Variants in JAKMIP1 observed in about 807,000 individuals in gnomAD.
JAKMIP1 encodes the protein janus kinase and microtubule-interacting protein 1.
JAKMIP1 carries 33 observed loss-of-function variants against 113.0 expected under a neutral mutation model. That is an observed-to-expected ratio of 0.29 (90% CI 0.22 to 0.39). The LOEUF (loss-of-function observed/expected upper bound fraction) is 0.39. Among genes scored for constraint, JAKMIP1 ranks in the 10% least tolerant of loss-of-function variants. The pLI is 1.00. For synonymous variants in JAKMIP1, 480 were observed against 459.9 expected (o/e 1.04, Z -0.56); for missense variants, 813 against 1,080.5 (o/e 0.75, Z 3.47).
intron 3 of JAKMIP1, among the ~76,000 whole-genome samples, chr4:6,092,588 C>A (rs946508766): frequency 2.0e-5 from 3 of 152,144 alleles, no homozygotes; most frequent in African/African-American, 7.2e-5. Flanking sequence ...AGCAAAATAC[C>A]CTTCGTCGTT....
chr4:6,037,843 G>C (rs377152343), intron 18 of JAKMIP1, among the ~76,000 whole-genome samples: 1,611 of 138,276 alleles, frequency 0.012, no homozygotes, highest in African/African-American at 0.044. Context: ...CCGAGGCAGA[G>C]GCTAACCAGT....
Position 6,187,456 on chromosome 4 carries a change from T to A in JAKMIP1, c.-148+12797A>T, listed in dbSNP as rs1427054026. Among the ~76,000 whole-genome samples, 3 of 152,262 alleles carry A rather than the reference T, an allele frequency of 2.0e-5. No homozygotes were observed. Among genetic ancestry groups the A allele is most frequent in the African/African-American group, 7.2e-5 (3 of 41,476 alleles). On this transcript the variant is annotated intron_variant, in intron 1 of 20. Coordinates refer to ENST00000409021, the MANE Select transcript of JAKMIP1 (RefSeq NM_001099433.2). This position sits in a 1 kb window ranked among gnomAD's most constrained non-coding sequence, Gnocchi z 4.2. ...ACCCCCAGAATTCATATGTTTCTAG[T>A]CACCAGTATGATAGCATTAGAAGGT... is the stretch of plus-strand genomic sequence containing the variant.
intron 2 of JAKMIP1, 57 bp downstream of exon 2, chr4:6,112,665 C>T: frequency 6.3e-7 from 1 of 1,586,386 alleles, no homozygotes; most frequent in Non-Finnish European, 8.6e-7. Context: ...TCAGAGGCAA[C>T]ACTGCCCAAA....
At chr4:6,132,551 A>G (rs1392013267) in intron 1 of JAKMIP1, among the ~76,000 whole-genome samples, 1 of 151,652 alleles carries the variant, frequency 6.6e-6, no homozygotes, top group East Asian at 1.9e-4. Flanking sequence ...CTGAGGCAGG[A>G]GGATCGCTTG....
chr4:6,170,355 C>CCAT (rs1352662615), intron 1 of JAKMIP1, among the ~76,000 whole-genome samples: 1 of 51,744 alleles, frequency 1.9e-5, no homozygotes, highest in Admixed American at 2.4e-4. Flanking sequence ...CTCACCACCA[C>CCAT]CACCACCACC....
intron 1 of JAKMIP1, among the ~76,000 whole-genome samples, chr4:6,165,703 A>T (rs1400346386): frequency 1.3e-5 from 2 of 152,242 alleles, no homozygotes; most frequent in Non-Finnish European, 2.9e-5. Flanking sequence ...TTTTACAGGC[A>T]CTGGGAAATC....
chr4:6,048,763 C>T (rs1478711450), intron 16 of JAKMIP1, 94 bp downstream of exon 16: 14 of 1,037,194 alleles, frequency 1.3e-5, no homozygotes, highest in Non-Finnish European at 1.8e-5. Context: ...GGAACGCATG[C>T]TCCCACGCAA....
chr4:6,133,401 G>A (rs1166571202), intron 1 of JAKMIP1, among the ~76,000 whole-genome samples: 1 of 152,178 alleles, frequency 6.6e-6, no homozygotes, highest in Non-Finnish European at 1.5e-5. Context: ...TACTTTCAGA[G>A]GGAGGGAAGG....
rs1485580450 is a variant in JAKMIP1, at chr4:6,135,334, T to C, written c.-147-22337A>G. 2.6e-5 allele frequency among the ~76,000 whole-genome samples: 4 copies of C among 152,042 alleles called. No homozygotes were observed. Among genetic ancestry groups the C allele is most frequent in the African/African-American group, 9.7e-5 (4 of 41,380 alleles). The stretch of plus-strand genomic sequence containing the variant: ...ACACAGACACATAGAAGGAAGACCA[T>C]GTGAGGACATGGGGAGAAGACGGCC... On this transcript the variant is annotated intron_variant, in intron 1 of 20. Coordinates refer to ENST00000409021, the MANE Select transcript of JAKMIP1 (RefSeq NM_001099433.2). This position sits in a 1 kb window ranked among gnomAD's most constrained non-coding sequence, Gnocchi z 4.9.
Position 6,137,605 on chromosome 4 carries a change from C to T in JAKMIP1, c.-147-24608G>A, listed in dbSNP as rs976207065. Among the ~76,000 whole-genome samples the T allele has an allele frequency of 4.6e-5, 7 of 152,340 alleles. No homozygotes were observed. The South Asian group carries it at 8.3e-4, about 18-fold the overall frequency. On this transcript the variant is annotated intron_variant, in intron 1 of 20. Coordinates refer to ENST00000409021, the MANE Select transcript of JAKMIP1 (RefSeq NM_001099433.2). The surrounding 1 kb of genome is among the most constrained non-coding windows in gnomAD (Gnocchi z 4.5). ...TTTTTCAGCCAATCCACACTCTCTC[C>T]GCACCTGGAGGCAATGACCCCCACA...
rs915194302 is a variant in JAKMIP1, at chr4:6,150,561, G to A, written c.-147-37564C>T. ...ACACCCGCTTCTTAATCCCTGCCTC[G>A]GAGGCAGCTCCCACGGCGCTCAACG... is the stretch of plus-strand genomic sequence containing the variant. On this transcript the variant is annotated intron_variant, in intron 1 of 20. Coordinates refer to ENST00000409021, the MANE Select transcript of JAKMIP1 (RefSeq NM_001099433.2). This position sits in a 1 kb window ranked among gnomAD's most constrained non-coding sequence, Gnocchi z 4.8. 8.5e-5 allele frequency: 13 copies of A among 152,130 alleles called. No homozygotes were observed. Among genetic ancestry groups the A allele is most frequent in the African/African-American group, 2.4e-4 (10 of 41,386 alleles). The allele number at this position is 152,130 out of a possible 1,614,324, so 9.4% of individuals were successfully genotyped here. A position where few individuals can be genotyped will look rare whatever the true frequency, so the allele number is the denominator to read the frequency against.
chr4:6,154,925 G>A lies in JAKMIP1; in HGVS notation c.-147-41928C>T, dbSNP rs1037029749. 6.6e-5 allele frequency among the ~76,000 whole-genome samples: 10 copies of A among 151,956 alleles called. No homozygotes were observed. The highest frequency in any genetic ancestry group is 1.5e-4 in the Non-Finnish European group (10 of 68,002). ...CCCTCTCACTCCACAAACCAACACA[G>A]AGCACGCAGGGAAAGGTGCGGGGTA... On this transcript the variant is annotated intron_variant, in intron 1 of 20. Coordinates refer to ENST00000409021, the MANE Select transcript of JAKMIP1 (RefSeq NM_001099433.2). The surrounding 1 kb of genome is among the most constrained non-coding windows in gnomAD (Gnocchi z 4.2).
chr4:6,076,201 A>G lies in JAKMIP1; in HGVS notation c.1302+2738T>C, dbSNP rs1375933374. Among the ~76,000 whole-genome samples the G allele has an allele frequency of 6.6e-6, 1 of 152,150 alleles. No individual in the cohort carries two copies. The highest frequency in any genetic ancestry group is 2.4e-5 in the African/African-American group (1 of 41,412). On this transcript the variant is annotated intron_variant, in intron 8 of 20. Transcript: ENST00000409021. The surrounding 1 kb of genome is among the most constrained non-coding windows in gnomAD (Gnocchi z 4.8). ...CAAAAAAAATTAGTAAATAAATAAAAAATAAAATAAACAAACAAACAAATA... is the reference window on the plus strand; with the variant it reads ...CAAAAAAAATTAGTAAATAAATAAAGAATAAAATAAACAAACAAACAAATA...
intron 8 of JAKMIP1, among the ~76,000 whole-genome samples, chr4:6,072,588 A>C (rs1339418756): frequency 6.6e-6 from 1 of 152,200 alleles, no homozygotes; most frequent in Non-Finnish European, 1.5e-5. Flanking sequence ...ACAGACATGA[A>C]GTAGCCACTG....
chr4:6,183,426 C>A lies in JAKMIP1; in HGVS notation c.-148+16827G>T, dbSNP rs903429620. Among the ~76,000 whole-genome samples, 1 of 150,354 alleles carries A rather than the reference C, an allele frequency of 6.7e-6. No homozygotes were observed. The highest frequency in any genetic ancestry group is 2.4e-5 in the African/African-American group (1 of 40,858). ...CCTGGGAGGCAGAGGTTACAGTGAG[C>A]CAAGATCATGCCATTGCACTCCAGC... On this transcript the variant is annotated intron_variant, in intron 1 of 20. Coordinates refer to ENST00000409021, the MANE Select transcript of JAKMIP1 (RefSeq NM_001099433.2). The surrounding 1 kb of genome is among the most constrained non-coding windows in gnomAD (Gnocchi z 5.3).
chr4:6,191,867 A>G (rs1305303005), intron 1 of JAKMIP1, among the ~76,000 whole-genome samples: 1 of 152,054 alleles, frequency 6.6e-6, no homozygotes, highest in Admixed American at 6.5e-5. Flanking sequence ...TTACTAAGAT[A>G]TTTTACATTC....
intron 1 of JAKMIP1, among the ~76,000 whole-genome samples, chr4:6,172,929 G>A (rs1043295026): frequency 1.3e-5 from 2 of 152,216 alleles, no homozygotes; most frequent in East Asian, 1.9e-4. Flanking sequence ...GAGGAATCTC[G>A]TAATCAGATG....
At position 6,086,266 on chromosome 4, in the gene JAKMIP1, G is replaced by T. The variant is rs935097595; in HGVS notation, c.625-637C>A. 2.6e-5 allele frequency among the ~76,000 whole-genome samples: 4 copies of T among 152,032 alleles called. No individual in the cohort carries two copies. Among genetic ancestry groups the T allele is most frequent in the Non-Finnish European group, 5.9e-5 (4 of 68,010 alleles). ...CTCATTGAAGCCTGGAGTTTCCAAG[G>T]CTCGGGCCTCTTCTCACTCTATATC... On this transcript the variant is annotated intron_variant, in intron 3 of 20. Coordinates refer to ENST00000409021, the MANE Select transcript of JAKMIP1 (RefSeq NM_001099433.2). The surrounding 1 kb of genome is among the most constrained non-coding windows in gnomAD (Gnocchi z 4.1).
chr4:6,138,547 G>A lies in JAKMIP1; in HGVS notation c.-147-25550C>T, dbSNP rs1719602530. ...CCACTGCACCTGGCCTAGAATCCAA[G>A]TTAAAATTAAAGAGGGACACACAAA... On this transcript the variant is annotated intron_variant, in intron 1 of 20. Transcript: ENST00000409021. The surrounding 1 kb of genome is among the most constrained non-coding windows in gnomAD (Gnocchi z 6.0). Among the ~76,000 whole-genome samples, 1 of 152,062 alleles carries A rather than the reference G, an allele frequency of 6.6e-6. No individual in the cohort carries two copies. Among genetic ancestry groups the A allele is most frequent in the South Asian group, 2.1e-4 (1 of 4,828 alleles).
Sources: allele counts gnomAD v4.1 joint callset (sites outside exome capture counted in the v4.1 genomes callset), GRCh38; gene constraint gnomAD v4.1.1; non-coding constraint Gnocchi (gnomAD v3.1); transcripts MANE v1.5; gene names NCBI Gene and HGNC (gene_info 2026-07-23, HGNC 2026-07-21).